Variants in DDX60 observed in about 807,000 individuals in gnomAD.
DDX60 encodes the protein probable ATP-dependent RNA helicase DDX60.
In DDX60, 165 loss-of-function variants were observed where a neutral mutation model predicts 212.8. That is an observed-to-expected ratio of 0.78 (90% CI 0.68 to 0.88). The LOEUF (loss-of-function observed/expected upper bound fraction) is 0.88, where lower values mean the gene tolerates loss of function less well. Ranked by LOEUF, DDX60 falls within the 40% of genes least tolerant of loss-of-function variation. The pLI is 0.00. For synonymous variants in DDX60, 703 were observed against 685.3 expected (o/e 1.03, Z -0.40); for missense variants, 1,905 against 2,003.9 (o/e 0.95, Z 0.94).
At chr4:168,309,559 C>G (rs541858287) in intron 3 of DDX60, among the ~76,000 whole-genome samples, 1 of 151,596 alleles carries the variant, frequency 6.6e-6, no homozygotes, top group Non-Finnish European at 1.5e-5. Flanking sequence ...GTGGGATTAT[C>G]TAAAAAGGCA....
At chr4:168,245,585 T>C (rs9996411) in intron 30 of DDX60, among the ~76,000 whole-genome samples, 4,169 of 152,314 alleles carry the variant, frequency 0.027, 201 homozygotes, top group African/African-American at 0.094. Context: ...TTAAAAATGA[T>C]GTATGACTGC....
In DDX60 at chr4:168,300,992, A is replaced by C. The variant is rs1287793170; in HGVS notation, c.723+1308T>G. Among the ~76,000 whole-genome samples, 8 of 152,186 alleles carry C rather than the reference A, an allele frequency of 5.3e-5. 1 individual carries two copies. The highest frequency in any genetic ancestry group is 3.9e-4 in the Admixed American group (6 of 15,282). On this transcript the variant is annotated intron_variant, in intron 6 of 37. Transcript: ENST00000393743. ...GTGATGGTTGAAGAGTTACCTGCTG[A>C]GTACAACATTGGGTGATGGGTACAC...
chr4:168,308,078 GA>G lies in DDX60; in HGVS notation c.191del (p.Phe64SerfsTer21). ...ISFKPGQNLH[F>X]FYLVERYLVD... ...CAAGATAGCGTTCAACCAGATAGAA[GA>G]AATGGAGGTTCTGCCCAGGCTTAAA... is the stretch of plus-strand genomic sequence containing the variant. On this transcript the variant is annotated frameshift_variant, in exon 4 of 38. Transcript: ENST00000393743. LOFTEE classifies it high-confidence loss of function. 1 of 1,612,214 alleles carries G rather than the reference GA, an allele frequency of 6.2e-7. No homozygotes were observed. Among genetic ancestry groups the G allele is most frequent in the Non-Finnish European group, 8.5e-7 (1 of 1,179,528 alleles).
chr4:168,231,248 T>C lies in DDX60; in HGVS notation c.4533+5004A>G, dbSNP rs547659934. Among the ~76,000 whole-genome samples, 17 of 152,070 alleles carry C rather than the reference T, an allele frequency of 1.1e-4. No homozygotes were observed. The South Asian group carries it at 1.2e-3, about 11-fold the overall frequency. On this transcript the variant is annotated intron_variant, in intron 33 of 37. Coordinates refer to ENST00000393743, the MANE Select transcript of DDX60 (RefSeq NM_017631.6). ...TCAACAAAAAAAGTCCAAAACTATA[T>C]GGATTCACGACTGAATTCTATCAGG...
Position 168,308,892 on chromosome 4 carries a change from G to A in DDX60, c.75-697C>T, listed in dbSNP as rs981048983. ...AAAAATTTTAAGTTACCTATGTCAC[G>A]AATGCATAAAGTATATGTAGTCTAT... On this transcript the variant is annotated intron_variant, in intron 3 of 37. Transcript: ENST00000393743. Among the ~76,000 whole-genome samples the A allele has an allele frequency of 5.3e-5, 8 of 151,894 alleles. No individual in the cohort carries two copies. The East Asian group carries it at 5.8e-4, about 11-fold the overall frequency.
intron 33 of DDX60, among the ~76,000 whole-genome samples, chr4:168,226,634 CATCA>C (rs1733265082): frequency 6.6e-6 from 1 of 151,920 alleles, no homozygotes; most frequent in African/African-American, 2.4e-5. Context: ...ATGGGGTATC[CATCA>C]CTTCAAGCAT....
rs372055056 is a variant in DDX60, at chr4:168,283,499, G to C, written c.1669C>G (p.Gln557Glu). 3.7e-6 allele frequency: 6 copies of C among 1,613,374 alleles called. No homozygotes were observed. The African/African-American group carries it at 5.3e-5, about 14-fold the overall frequency. ...AAATCCTTCTTTGACTTAATAGTTT[G>C]AGTCACGATGATTTTCGAAGAGACT... is the stretch of plus-strand genomic sequence containing the variant. Reference protein sequence around the residue: ...ETVSSKIIVTQTIKSKKDFSG... With the variant: ...ETVSSKIIVTETIKSKKDFSG... The change falls in exon 13 of 38, where the codon CAA becomes GAA. Residue 557 changes from glutamine (Q) to glutamate (E), a missense_variant. By Grantham distance (29) the Gln-to-Glu change is conservative. Coordinates refer to ENST00000393743, the MANE Select transcript of DDX60 (RefSeq NM_017631.6).
At chr4:168,299,228 G>A (rs865875401) in intron 6 of DDX60, among the ~76,000 whole-genome samples, 2 of 148,540 alleles carry the variant, frequency 1.3e-5, no homozygotes. Context: ...ATTTCTATTC[G>A]GTCAAACTTG....
chr4:168,288,828 A>C (rs955921513), intron 8 of DDX60, among the ~76,000 whole-genome samples: 1 of 152,182 alleles, frequency 6.6e-6, no homozygotes, highest in African/African-American at 2.4e-5. Context: ...AACCTCATGG[A>C]ATGATCCCTT....
At chr4:168,302,661 A>T (rs765070938) in intron 5 of DDX60, among the ~76,000 whole-genome samples, 2 of 152,244 alleles carry the variant, frequency 1.3e-5, no homozygotes, top group South Asian at 4.1e-4. Context: ...TATAATTAAC[A>T]TAACATAAAA....
Position 168,225,577 on chromosome 4 carries a change from T to C in DDX60, c.4633A>G (p.Lys1545Glu). The change falls in exon 34 of 38, where the codon AAA becomes GAA. Residue 1545 changes from lysine to glutamate, a missense_variant. By Grantham distance (56) the Lys-to-Glu change is moderately conservative. Transcript: ENST00000393743. ...TATTCCTGATTCATATCAGCCAGTT[T>C]GGAAACAATTCGTAGGAAAGTGGTA... is the stretch of plus-strand genomic sequence containing the variant. ...DFTTFLRIVS[K>E]LADMNQEYQL... 1 of 1,611,594 alleles carries C rather than the reference T, an allele frequency of 6.2e-7. No homozygotes were observed. Among genetic ancestry groups the C allele is most frequent in the Non-Finnish European group, 8.5e-7 (1 of 1,178,810 alleles).
chr4:168,323,245 G>A (rs1737639679), upstream of DDX60, among the ~76,000 whole-genome samples: 1 of 152,170 alleles, frequency 6.6e-6, no homozygotes, highest in Admixed American at 6.5e-5. Flanking sequence ...TGACCAGGAG[G>A]GAGAGGATCA....
intron 2 of DDX60, 53 bp from the exon 3 acceptor site, chr4:168,311,120 T>G: frequency 7.0e-7 from 1 of 1,419,280 alleles, no homozygotes; most frequent in Non-Finnish European, 9.8e-7. Flanking sequence ...CAATTGGTCC[T>G]TTTTACAGGA....
intron 11 of DDX60, 32 bp from the exon 12 acceptor site, chr4:168,284,967 G>A: frequency 9.3e-7 from 1 of 1,071,258 alleles, no homozygotes; most frequent in South Asian, 1.5e-5. Flanking sequence ...ATTTTAAATT[G>A]CACACTTCCA....
At chr4:168,320,555 TAA>T (rs757019008), upstream of DDX60, among the ~76,000 whole-genome samples, 1 of 152,088 alleles carries the variant, frequency 6.6e-6, no homozygotes, top group Admixed American at 6.6e-5. Flanking sequence ...CTCAGAACTG[TAA>T]GAGAACAAAC....
intron 16 of DDX60, among the ~76,000 whole-genome samples, 162 bp from the exon 17 acceptor site, chr4:168,274,245 C>T (rs1176521716): frequency 1.3e-5 from 2 of 152,164 alleles, no homozygotes; most frequent in Non-Finnish European, 2.9e-5. Context: ...CATTTTTATG[C>T]TTTTGAACAT....
chr4:168,312,727 C>CAGATAGATAGATAGATAGATAGATAGAT (rs61439775), intron 1 of DDX60, among the ~76,000 whole-genome samples: 20,605 of 149,862 alleles, frequency 0.14, 1,611 homozygotes, highest in African/African-American at 0.21. Flanking sequence ...GATGGATACA[C>CAGATAGATAGATAGATAGATAGATAGAT]AGATAGATAG....
At chr4:168,310,562 T>A (rs997324409) in intron 3 of DDX60, among the ~76,000 whole-genome samples, 1 of 152,174 alleles carries the variant, frequency 6.6e-6, no homozygotes, top group African/African-American at 2.4e-5. Context: ...GGCATTACGA[T>A]GGGCTTTGCA....
chr4:168,311,099 G>A (rs376379960), intron 2 of DDX60, 32 bp from the exon 3 acceptor site: 2 of 1,457,204 alleles, frequency 1.4e-6, no homozygotes, highest in Middle Eastern at 1.8e-4. Flanking sequence ...GAAAGAGAAT[G>A]GGTTATTTTT....
Sources: allele counts gnomAD v4.1 joint callset (sites outside exome capture counted in the v4.1 genomes callset), GRCh38; gene constraint gnomAD v4.1.1; transcripts MANE v1.5; gene names NCBI Gene and HGNC (gene_info 2026-07-23, HGNC 2026-07-21).